The following RAB38 variants were observed in gnomAD, a reference collection of about 807,000 sequenced individuals.
RAB38 encodes RAB38, member RAS oncogene family, also known as ras-related protein Rab-38.
RAB38 carries 15 observed loss-of-function variants against 18.4 expected under a neutral mutation model. That is an observed-to-expected ratio of 0.82 (90% CI 0.55 to 1.26). The LOEUF (loss-of-function observed/expected upper bound fraction) is 1.26. Ranked by LOEUF, RAB38 falls within the 50% of genes most tolerant of loss-of-function variation. The pLI is 0.00. For synonymous variants in RAB38, 101 were observed against 104.4 expected (o/e 0.97, Z 0.20); for missense variants, 294 against 267.4 (o/e 1.10, Z -0.69).
chr11:87,863,952 G>T, the RAB38 span, among the ~76,000 whole-genome samples: 7 of 151,600 alleles, frequency 4.6e-5, no homozygotes, highest in Non-Finnish European at 1.0e-4. Flanking sequence ...AGTGCAAAGC[G>T]GTTACCACCC....
the RAB38 span, among the ~76,000 whole-genome samples, chr11:87,892,750 C>A: frequency 0.091 from 13,739 of 151,794 alleles, 939 homozygotes; most frequent in Admixed American, 0.22. Context: ...TTTAAGATTC[C>A]GCTCAGGTAC....
At chr11:88,112,793 A>C (rs34187520), downstream of RAB38, among the ~76,000 whole-genome samples, 1 of 135,982 alleles carries the variant, frequency 7.4e-6, no homozygotes, top group Non-Finnish European at 1.6e-5. Context: ...ACAACAACAA[A>C]ATATATATAT....
chr11:87,907,620 G>A, the RAB38 span, among the ~76,000 whole-genome samples: 1,909 of 151,176 alleles, frequency 0.013, 40 homozygotes, highest in African/African-American at 0.044. Context: ...ATTAAACCAT[G>A]GATATTTTTG....
the RAB38 span, among the ~76,000 whole-genome samples, chr11:88,092,852 TAA>T: frequency 1.3e-5 from 2 of 151,748 alleles, no homozygotes; most frequent in African/African-American, 4.8e-5. Context: ...TAAAAATGAA[TAA>T]AGTTTGGGAA....
At chr11:88,173,946 G>A (rs1943343533) in intron 1 of RAB38, 1 of 985,456 alleles carries the variant, frequency 1.0e-6, no homozygotes, top group Non-Finnish European at 1.2e-6. Flanking sequence ...TTCAAGCCAT[G>A]ATAAAGAGTT....
intron 1 of RAB38, among the ~76,000 whole-genome samples, chr11:88,172,563 C>T (rs1943322300): frequency 6.6e-6 from 1 of 152,314 alleles, no homozygotes; most frequent in South Asian, 2.1e-4. Flanking sequence ...CAAAGCTAGG[C>T]CCACTAACCT....
chr11:87,893,390 A>ATATTTT, the RAB38 span, among the ~76,000 whole-genome samples: 1 of 93,916 alleles, frequency 1.1e-5, no homozygotes, highest in Non-Finnish European at 2.1e-5. Flanking sequence ...ATATATATAT[A>ATATTTT]TTTTTTTTTT....
the RAB38 span, among the ~76,000 whole-genome samples, chr11:88,063,231 G>T: frequency 1.3e-5 from 2 of 151,954 alleles, no homozygotes; most frequent in Non-Finnish European, 2.9e-5. Flanking sequence ...AATATATCAG[G>T]ATCACTAAGT....
chr11:87,947,175 T>G, the RAB38 span, among the ~76,000 whole-genome samples: 1 of 152,186 alleles, frequency 6.6e-6, no homozygotes, highest in South Asian at 2.1e-4. Flanking sequence ...GTTTTTTGGC[T>G]GCATAAATGT....
chr11:88,168,491 A>G (rs878911030), intron 1 of RAB38, among the ~76,000 whole-genome samples: 2 of 152,080 alleles, frequency 1.3e-5, no homozygotes, highest in Admixed American at 1.3e-4. Context: ...TCACTTTTCA[A>G]TGACTAAATA....
the RAB38 span, among the ~76,000 whole-genome samples, chr11:87,976,273 T>G: frequency 7.1e-6 from 1 of 141,708 alleles, no homozygotes; most frequent in African/African-American, 2.5e-5. Context: ...AGAGAAGGTG[T>G]GTGTATATAT....
At chr11:88,130,386 A>G (rs1339879799) in intron 2 of RAB38, among the ~76,000 whole-genome samples, 1 of 152,238 alleles carries the variant, frequency 6.6e-6, no homozygotes, top group Non-Finnish European at 1.5e-5. Context: ...AATGAAGTCT[A>G]AGGACAAACT....
At chr11:87,907,715 T>C in the RAB38 span, among the ~76,000 whole-genome samples, 3 of 151,784 alleles carry the variant, frequency 2.0e-5, no homozygotes, top group South Asian at 4.2e-4. Context: ...ATCTGGTTTT[T>C]TTAAAAATAA....
At chr11:87,975,702 T>C in the RAB38 span, among the ~76,000 whole-genome samples, 1 of 151,800 alleles carries the variant, frequency 6.6e-6, no homozygotes, top group Non-Finnish European at 1.5e-5. Context: ...TATAAATCTT[T>C]AATTCTAAAT....
the RAB38 span, among the ~76,000 whole-genome samples, chr11:88,096,704 CAAGA>C: frequency 4.6e-5 from 7 of 151,610 alleles, no homozygotes; most frequent in Non-Finnish European, 5.9e-5. Flanking sequence ...ATAAAGCAAG[CAAGA>C]AAGGGGCCAG....
At chr11:87,813,946 G>T in the RAB38 span, among the ~76,000 whole-genome samples, 1 of 152,082 alleles carries the variant, frequency 6.6e-6, no homozygotes, top group Non-Finnish European at 1.5e-5. Flanking sequence ...TGCATGCTTG[G>T]TACTTGCTCC....
chr11:87,893,286 T>TTGTG, the RAB38 span, among the ~76,000 whole-genome samples: 12,170 of 139,102 alleles, frequency 0.087, 646 homozygotes, highest in East Asian at 0.13. Flanking sequence ...TTTCCAGATT[T>TTGTG]TGTGTGTGTG....
chr11:88,003,871 T>TA, the RAB38 span, among the ~76,000 whole-genome samples: 2 of 2,062 alleles, frequency 9.7e-4, no homozygotes, highest in Non-Finnish European at 1.3e-3. Flanking sequence ...AATATAATTA[T>TA]ATATTTATAT....
intron 1 of RAB38, among the ~76,000 whole-genome samples, chr11:88,174,878 G>C (rs1031536418): frequency 6.6e-6 from 1 of 152,230 alleles, no homozygotes; most frequent in Non-Finnish European, 1.5e-5. Flanking sequence ...AAACGAGCTG[G>C]AGTGGAGAAC....
Sources: gnomAD v4.1 joint callset for allele counts (sites outside exome capture counted in the v4.1 genomes callset) on GRCh38, gnomAD v4.1.1 for gene constraint, MANE v1.5 for transcripts, NCBI Gene and HGNC (gene_info 2026-07-23, HGNC 2026-07-21) for gene names.